RPS6KA5: variants seen among roughly 807,000 people sequenced by gnomAD.
RPS6KA5 encodes the protein ribosomal protein S6 kinase alpha-5.
In RPS6KA5, 27 loss-of-function variants were observed where a neutral mutation model predicts 85.5. That is an observed-to-expected ratio of 0.32 (90% confidence interval 0.23 to 0.44). The LOEUF (loss-of-function observed/expected upper bound fraction) is 0.44, where lower values mean the gene tolerates loss of function less well. RPS6KA5 is among the 20% of genes least tolerant of loss of function. The pLI is 1.00. For synonymous variants in RPS6KA5, 334 were observed against 348.2 expected (o/e 0.96, Z 0.46); for missense variants, 811 against 980.9 (o/e 0.83, Z 2.31).
At position 90,962,590 on chromosome 14, in the gene RPS6KA5, AT is replaced by A. The variant is rs34537107; in HGVS notation, c.395-15041del. Among the ~76,000 whole-genome samples the A allele has an allele frequency of 4.0e-3, 581 of 143,648 alleles. 1 individual carries two copies. Among genetic ancestry groups the A allele is most frequent in the East Asian group, 0.017 (86 of 4,970 alleles). The allele number at this position is 143,648 out of a possible 152,430, so 94.2% of individuals were successfully genotyped here. A position where few individuals can be genotyped will look rare whatever the true frequency, so the allele number is the denominator to read the frequency against. On this transcript the variant is annotated intron_variant, in intron 3 of 16. Transcript: ENST00000614987. The stretch of plus-strand genomic sequence containing the variant: ...GAGTGAGCCACCATGCCCGGCCTAG[AT>A]TTTTTTTTTTTTTGAGATAGGGTCT...
chr14:90,886,510 C>T (rs748029392), intron 14 of RPS6KA5, among the ~76,000 whole-genome samples: 15 of 152,144 alleles, frequency 9.9e-5, no homozygotes, highest in African/African-American at 1.7e-4. Context: ...TGAGGTTATA[C>T]GGGTAGGCCC....
intron 1 of RPS6KA5, among the ~76,000 whole-genome samples, chr14:91,029,551 A>G (rs2042106973): frequency 6.6e-6 from 1 of 152,228 alleles, no homozygotes; most frequent in South Asian, 2.1e-4. Context: ...CTCATTGCAT[A>G]GGACCCATTT....
At chr14:90,976,013 G>A (rs575889179) in intron 3 of RPS6KA5, among the ~76,000 whole-genome samples, 11 of 152,074 alleles carry the variant, frequency 7.2e-5, no homozygotes, top group African/African-American at 2.7e-4. Flanking sequence ...TTTATTTAGG[G>A]CCAATGACAA....
chr14:90,931,977 G>A (rs896748110), intron 5 of RPS6KA5, among the ~76,000 whole-genome samples: 55 of 152,084 alleles, frequency 3.6e-4, no homozygotes, highest in African/African-American at 1.2e-3. Context: ...TATTGTTTAC[G>A]GATATACACA....
intron 1 of RPS6KA5, among the ~76,000 whole-genome samples, chr14:91,027,383 G>T (rs914837482): frequency 7.2e-5 from 11 of 151,802 alleles, no homozygotes; most frequent in Non-Finnish European, 1.2e-4. Context: ...CCACTGCTTG[G>T]TTTTTTTTCC....
At chr14:90,953,745 G>A (rs372421194) in intron 3 of RPS6KA5, among the ~76,000 whole-genome samples, 2 of 152,076 alleles carry the variant, frequency 1.3e-5, no homozygotes, top group South Asian at 2.1e-4. Flanking sequence ...ACTGAAATAC[G>A]CCCTGGTCTC....
Position 90,890,495 on chromosome 14 carries a change from C to T in RPS6KA5, c.1828G>A (p.Val610Ile), listed in dbSNP as rs759541597. 3.4e-5 allele frequency: 54 copies of T among 1,602,852 alleles called. No individual in the cohort carries two copies. The highest frequency in any genetic ancestry group is 1.8e-4 in the Admixed American group (10 of 56,892). Residue 610 changes from valine to isoleucine, a missense_variant, in exon 14 of 17, where the codon GTC becomes ATC. Physicochemically the swap from Val to Ile is conservative, Grantham distance 29. Transcript: ENST00000614987. ...TATTGAAAAGAACTCACCAAAATGA[C>T]GCCCAAGCTCCACAGGTCACAGGAC... is the stretch of plus-strand genomic sequence containing the variant. ...DESCDLWSLGVILYTMLSGQV... is the reference protein window; with the variant it reads ...DESCDLWSLGIILYTMLSGQV...
intron 12 of RPS6KA5, among the ~76,000 whole-genome samples, chr14:90,896,658 G>GA (rs2034851620): frequency 6.6e-6 from 1 of 152,112 alleles, no homozygotes; most frequent in Admixed American, 6.5e-5. Flanking sequence ...GCTACAAAAG[G>GA]AAAGTAAATG....
At chr14:91,019,953 C>A (rs1309931579) in intron 1 of RPS6KA5, among the ~76,000 whole-genome samples, 1 of 152,194 alleles carries the variant, frequency 6.6e-6, no homozygotes, top group East Asian at 1.9e-4. Flanking sequence ...CTACTATACA[C>A]CTAGGCTAGA....
intron 14 of RPS6KA5, among the ~76,000 whole-genome samples, chr14:90,889,356 C>T (rs1276030225): frequency 6.8e-6 from 1 of 146,390 alleles, no homozygotes; most frequent in East Asian, 2.0e-4. Context: ...TGTTCAAATG[C>T]ATGAAAAGAT....
Position 90,902,788 on chromosome 14 carries a change from T to TG in RPS6KA5, c.1119+19dup, listed in dbSNP as rs764004589. 21 of 1,609,800 alleles carry TG rather than the reference T, an allele frequency of 1.3e-5. No homozygotes were observed. Among genetic ancestry groups the TG allele is most frequent in the Non-Finnish European group, 1.7e-5 (20 of 1,177,454 alleles). ...AAAGGACATATGGCCAATGTGCATG[T>TG]GCACAGGATGGGAAATTACCTGAAA... On this transcript the variant is annotated intron_variant, in intron 9 of 16. Transcript: ENST00000614987.
chr14:90,959,534 G>A (rs2038691884), intron 3 of RPS6KA5, among the ~76,000 whole-genome samples: 1 of 152,198 alleles, frequency 6.6e-6, no homozygotes, highest in East Asian at 1.9e-4. Flanking sequence ...TGGAGTGGGT[G>A]TTACCTGAGA....
intron 7 of RPS6KA5, among the ~76,000 whole-genome samples, chr14:90,909,738 G>A (rs1199469851): frequency 6.6e-6 from 1 of 152,082 alleles, no homozygotes; most frequent in Non-Finnish European, 1.5e-5. Flanking sequence ...CAAATCAAGT[G>A]AACATAGATG....
rs1566772212 is a variant in RPS6KA5 at position 90,943,199 on chromosome 14, G to A, written c.511-14C>T. The A allele has an allele frequency of 7.2e-7, 1 of 1,381,048 alleles. No homozygotes were observed. 85.5% of individuals were successfully genotyped at this position (1,381,048 alleles called of 1,614,324 possible). On this transcript the variant is annotated splice_polypyrimidine_tract_variant and intron_variant, in intron 4 of 16. Transcript: ENST00000614987. ...TATAATCCCCAACTGCAAAAACAAAGAAATATAAATTTTAAAATAATTTAC... is the reference window on the plus strand; with the variant it reads ...TATAATCCCCAACTGCAAAAACAAAAAAATATAAATTTTAAAATAATTTAC...
rs1487225967 is a variant in RPS6KA5 at position 90,867,651 on chromosome 14, C to A, written c.*4423G>T. On this transcript the variant is annotated 3_prime_UTR_variant, in exon 17 of 17. Coordinates refer to ENST00000614987, the MANE Select transcript of RPS6KA5 (RefSeq NM_004755.4). ...GAATCTTGTCTTTTAATACAAGTCT[C>A]CTTCTAGACACAAAATCCTAGCTTT... The A allele has an allele frequency of 1.3e-5, 2 of 152,172 alleles. No homozygotes were observed. The highest frequency in any genetic ancestry group is 2.9e-5 in the Non-Finnish European group (2 of 68,018). 9.4% of individuals were successfully genotyped at this position (152,172 alleles called of 1,614,324 possible). A position where few individuals can be genotyped will look rare whatever the true frequency, so the allele number is the denominator to read the frequency against.
At chr14:91,010,214 A>G (rs898608813) in intron 1 of RPS6KA5, among the ~76,000 whole-genome samples, 2 of 152,210 alleles carry the variant, frequency 1.3e-5, no homozygotes, top group African/African-American at 4.8e-5. Flanking sequence ...TTTAAAAATA[A>G]AACAGTCAAA....
intron 1 of RPS6KA5, among the ~76,000 whole-genome samples, chr14:91,053,830 T>G (rs2043197066): frequency 1.3e-5 from 2 of 152,172 alleles, no homozygotes; most frequent in Admixed American, 1.3e-4. Flanking sequence ...GTTGGCTTCT[T>G]TGCAGACACT....
At chr14:90,872,421 T>C (rs1595091461) in intron 16 of RPS6KA5, 99 bp from the exon 17 acceptor site, 1 of 1,409,446 alleles carries the variant, frequency 7.1e-7, no homozygotes, top group Admixed American at 2.7e-5. Flanking sequence ...CATTGGCAAC[T>C]GCAGCCCCAA....
chr14:90,986,001 T>C (rs905259469), intron 2 of RPS6KA5, among the ~76,000 whole-genome samples: 3 of 152,100 alleles, frequency 2.0e-5, no homozygotes, highest in African/African-American at 7.2e-5. Context: ...GTGAAACAAC[T>C]ATAAAAGGCT....
Sources: gnomAD v4.1 joint callset for allele counts (sites outside exome capture counted in the v4.1 genomes callset) on GRCh38, gnomAD v4.1.1 for gene constraint, MANE v1.5 for transcripts, NCBI Gene and HGNC (gene_info 2026-07-23, HGNC 2026-07-21) for gene names.